The following PCDH11Y variants were observed in gnomAD, a reference collection of about 807,000 sequenced individuals.
PCDH11Y encodes protocadherin-11 Y-linked.
For missense variants in PCDH11Y, 12 were observed against 224.8 expected (o/e 0.05, Z 6.05); for synonymous variants, 9 against 83.6 (o/e 0.11, Z 4.87).
chrY:5,223,227 A>G (rs2052956035), intron 2 of PCDH11Y, among the ~76,000 whole-genome samples: 1 of 32,682 alleles, frequency 3.1e-5, no homozygotes, highest in African/African-American at 1.2e-4. Flanking sequence ...TTTCTCTATG[A>G]TATATTCTAC....
intron 4 of PCDH11Y, among the ~76,000 whole-genome samples, chrY:5,603,027 T>C (rs2124699715): frequency 3.8e-5 from 1 of 26,061 alleles, no homozygotes. Flanking sequence ...TCTATAATTA[T>C]ATAATAATAA....
intron 4 of PCDH11Y, among the ~76,000 whole-genome samples, chrY:5,600,284 G>T: frequency 3.4e-5 from 1 of 29,391 alleles, no homozygotes; most frequent in African/African-American, 1.4e-4. Context: ...GGGATTACAG[G>T]CATGCACCAC....
chrY:5,452,576 T>G lies in PCDH11Y; in HGVS notation c.3130-48481T>G. ...ATGTACAAGCACATAATCCAATTCA[T>G]GAGATTGCATACAAATAAAGTTCAT... is the stretch of plus-strand genomic sequence containing the variant. On this transcript the variant is annotated intron_variant, in intron 2 of 4. Coordinates refer to the PCDH11Y transcript ENST00000400457. Among the ~76,000 whole-genome samples the G allele has an allele frequency of 8.9e-5, 3 of 33,773 alleles. No individual in the cohort carries two copies. The East Asian group carries it at 2.3e-3, about 26-fold the overall frequency. 90.6% of individuals were successfully genotyped at this position (33,773 alleles called of 37,273 possible). A position where few individuals can be genotyped will look rare whatever the true frequency, so the allele number is the denominator to read the frequency against.
intron 3 of PCDH11Y, among the ~76,000 whole-genome samples, chrY:5,527,212 A>C (rs2053388742): frequency 3.0e-5 from 1 of 33,352 alleles, no homozygotes; most frequent in African/African-American, 1.2e-4. Flanking sequence ...TAAAACCTCA[A>C]AAAGAGGGAG....
At chrY:5,431,598 C>G in intron 2 of PCDH11Y, among the ~76,000 whole-genome samples, 2 of 33,009 alleles carry the variant, frequency 6.1e-5, no homozygotes, top group African/African-American at 1.2e-4. Flanking sequence ...TGCTGCTTCT[C>G]AATGCACATT....
chrY:5,378,348 C>T (rs1602915331), intron 2 of PCDH11Y, among the ~76,000 whole-genome samples: 3 of 31,879 alleles, frequency 9.4e-5, no homozygotes, highest in Non-Finnish European at 7.6e-5. Flanking sequence ...AAAACAGAGC[C>T]GCACTGAGTT....
intron 3 of PCDH11Y, among the ~76,000 whole-genome samples, chrY:5,046,974 C>T: frequency 1.2e-4 from 4 of 33,856 alleles, no homozygotes; most frequent in African/African-American, 2.3e-4. Flanking sequence ...CTTCGCCTCG[C>T]GCACGGTGCG....
chrY:5,045,294 T>C (rs2052632224), intron 3 of PCDH11Y, among the ~76,000 whole-genome samples: 1 of 33,049 alleles, frequency 3.0e-5, no homozygotes, highest in Non-Finnish European at 7.4e-5. Context: ...GCAGCTCTTT[T>C]AGGGCAGGCC....
intron 2 of PCDH11Y, among the ~76,000 whole-genome samples, chrY:5,459,813 AT>A (rs2053301680): frequency 3.1e-5 from 1 of 32,395 alleles, no homozygotes; most frequent in Non-Finnish European, 7.7e-5. Flanking sequence ...CTTGATAGTT[AT>A]TTTTTTTCCT....
chrY:5,492,404 C>A, intron 2 of PCDH11Y, among the ~76,000 whole-genome samples: 1 of 31,706 alleles, frequency 3.2e-5, no homozygotes, highest in Admixed American at 3.0e-4. Context: ...TCAATTTACT[C>A]CTGGGACCAT....
At chrY:5,021,361 C>CT (rs2052569352) in intron 1 of PCDH11Y, among the ~76,000 whole-genome samples, 1 of 32,745 alleles carries the variant, frequency 3.1e-5, no homozygotes, top group Non-Finnish European at 7.5e-5. Flanking sequence ...AACGCCGTCT[C>CT]TATTAAAAAT....
chrY:5,120,213 A>C, intron 2 of PCDH11Y, among the ~76,000 whole-genome samples: 1 of 32,776 alleles, frequency 3.1e-5, no homozygotes, highest in Non-Finnish European at 7.5e-5. Context: ...TAGATAGTAT[A>C]AAAAAATGTA....
intron 2 of PCDH11Y, among the ~76,000 whole-genome samples, chrY:5,124,593 G>C: frequency 1.2e-4 from 4 of 32,532 alleles, no homozygotes; most frequent in Non-Finnish European, 3.0e-4. Flanking sequence ...TCTGTCCACT[G>C]CATAAGTGTT....
At chrY:5,219,887 A>T in intron 2 of PCDH11Y, among the ~76,000 whole-genome samples, 1 of 33,721 alleles carries the variant, frequency 3.0e-5, no homozygotes, top group East Asian at 7.8e-4. Flanking sequence ...TATGAGTTAT[A>T]TTTAAGTCTT....
rs200629191 is a variant in PCDH11Y, at chrY:5,244,140, G to A, written c.3129+143433G>A. On this transcript the variant is annotated intron_variant, in intron 2 of 4. Transcript: ENST00000400457. ...TTTTCTTAAAACCATACGATTACATGGAAACTGAATAACCTGCTCCTGAAT... is the reference window on the plus strand; with the variant it reads ...TTTTCTTAAAACCATACGATTACATAGAAACTGAATAACCTGCTCCTGAAT... 7.2e-4 allele frequency among the ~76,000 whole-genome samples: 24 copies of A among 33,566 alleles called. No individual in the cohort carries two copies. In the East Asian group the frequency reaches 0.018, roughly 25 times the overall value. 90.1% of individuals were successfully genotyped at this position (33,566 alleles called of 37,273 possible).
At chrY:5,558,311 G>A (rs2053424943) in intron 3 of PCDH11Y, among the ~76,000 whole-genome samples, 1 of 18,816 alleles carries the variant, frequency 5.3e-5, no homozygotes. Flanking sequence ...CTGTGAATCC[G>A]TTTGGTCCAG....
intron 2 of PCDH11Y, among the ~76,000 whole-genome samples, chrY:5,278,007 T>A: frequency 6.3e-5 from 2 of 31,935 alleles, no homozygotes; most frequent in Admixed American, 5.8e-4. Flanking sequence ...ATACTTTCTT[T>A]AATTATTTAA....
intron 1 of PCDH11Y, chrY:5,002,648 A>C: frequency 6.1e-5 from 2 of 32,893 alleles, no homozygotes; most frequent in Admixed American, 5.4e-4. Context: ...TCGAAGTAAT[A>C]GTGTATGTAC....
chrY:5,171,162 G>A (rs1602879648), intron 2 of PCDH11Y, among the ~76,000 whole-genome samples: 1 of 27,780 alleles, frequency 3.6e-5, no homozygotes, highest in African/African-American at 1.4e-4. Flanking sequence ...AGTCTCCTGG[G>A]GACATAAAGA....
Sources: allele counts gnomAD v4.1 joint callset (sites outside exome capture counted in the v4.1 genomes callset), GRCh38; gene constraint gnomAD v4.1.1; transcripts MANE v1.5; gene names NCBI Gene and HGNC (gene_info 2026-07-23, HGNC 2026-07-21).